Variants in CPT1C observed in about 807,000 individuals in gnomAD.
The protein encoded by CPT1C is carnitine palmitoyltransferase 1C.
A neutral mutation model predicts 97.3 loss-of-function variants in CPT1C; 61 were observed. The observed-to-expected ratio is 0.63, with a 90% CI of 0.51 to 0.78. CPT1C has a LOEUF of 0.78. Among genes scored for constraint, CPT1C ranks in the 30% least tolerant of loss-of-function variants. CPT1C has a pLI of 0.00. For synonymous variants in CPT1C, 469 were observed against 447.2 expected (o/e 1.05, Z -0.61); for missense variants, 975 against 1,065.5 (o/e 0.92, Z 1.18).
chr19:49,699,910 T>C (rs1215204769), intron 4 of CPT1C, among the ~76,000 whole-genome samples: 5 of 145,058 alleles, frequency 3.4e-5, no homozygotes, highest in Middle Eastern at 7.6e-3. Flanking sequence ...GCCGAGATAG[T>C]GCCACTGCAC....
At chr19:49,712,894 TG>T in intron 18 of CPT1C, 45 bp downstream of exon 18, 5 of 1,591,690 alleles carry the variant, frequency 3.1e-6, no homozygotes, top group East Asian at 2.2e-5. Flanking sequence ...AAGAGGGGGC[TG>T]GGGGGCCTGC....
chr19:49,713,332 A>G lies in CPT1C; in HGVS notation c.2227-88A>G, dbSNP rs1038538002. On this transcript the variant is annotated intron_variant, in intron 19 of 19. Transcript: ENST00000598293. Reference sequence around the variant, plus strand: ...CCCCAGCTCCTCCTCCCTCAGACTCAGGAATCCAGGCCCTTAGCCCTCTTG... The same window carrying G: ...CCCCAGCTCCTCCTCCCTCAGACTCGGGAATCCAGGCCCTTAGCCCTCTTG... 6.8e-5 allele frequency: 85 copies of G among 1,257,578 alleles called. No homozygotes were observed. In the Middle Eastern group the frequency reaches 1.1e-3, roughly 16 times the overall value. The allele number at this position is 1,257,578 out of a possible 1,614,324, so 77.9% of individuals were successfully genotyped here. A position where few individuals can be genotyped will look rare whatever the true frequency, so the allele number is the denominator to read the frequency against.
chr19:49,701,692 C>T, intron 7 of CPT1C, 58 bp downstream of exon 7: 1 of 1,511,386 alleles, frequency 6.6e-7, no homozygotes, highest in South Asian at 1.2e-5. Flanking sequence ...GTGAGCTCGC[C>T]TGCTAAACTT....
rs1555779119 is a variant in CPT1C, at chr19:49,702,032, T to TAA, written c.693+399_693+400insAA. Among the ~76,000 whole-genome samples, 16 of 91,700 alleles carry TAA rather than the reference T, an allele frequency of 1.7e-4. 4 individuals carry two copies. The highest frequency in any genetic ancestry group is 8.0e-4 in the African/African-American group (16 of 19,952). 60.2% of individuals were successfully genotyped at this position (91,700 alleles called of 152,430 possible). ...AATATATTTATTTATAAATTATAAA[T>TAA]ATATATTTATTTATAAATTATAAAT... is the stretch of plus-strand genomic sequence containing the variant. On this transcript the variant is annotated intron_variant, in intron 7 of 19. Transcript: ENST00000598293.
In CPT1C at chr19:49,705,226, G is replaced by T. The variant is rs577593259; in HGVS notation, c.892G>T (p.Gly298Ter). ...CGGTTTCCTGCAGACTTTGCTGATG[G>T]GAATGCGCCCCTTATGCTCTGCCCA... is the stretch of plus-strand genomic sequence containing the variant. The part of the protein sequence containing the change: ...RQEIPPTLLM[G>*]MRPLCSAQYE... Residue 298 changes from glycine to a stop codon, truncating the protein, a stop_gained, in exon 10 of 20, where the codon GGA becomes TGA. Transcript: ENST00000598293. LOFTEE classifies it high-confidence loss of function. 51 of 1,614,090 alleles carry T rather than the reference G, an allele frequency of 3.2e-5. No individual in the cohort carries two copies. Among genetic ancestry groups the T allele is most frequent in the Non-Finnish European group, 4.1e-5 (48 of 1,179,998 alleles).
chr19:49,697,088 G>A (rs907928346), intron 3 of CPT1C, among the ~76,000 whole-genome samples: 12 of 152,084 alleles, frequency 7.9e-5, no homozygotes, highest in African/African-American at 4.8e-5. Context: ...TGATGCCCTC[G>A]AACTGTAACT....
intron 4 of CPT1C, among the ~76,000 whole-genome samples, chr19:49,699,826 C>T (rs1419226461): frequency 4.6e-5 from 7 of 152,048 alleles, no homozygotes; most frequent in South Asian, 2.1e-4. Flanking sequence ...TGGTGGCGGG[C>T]GCCTGCAGTC....
chr19:49,705,371 G>C, intron 10 of CPT1C, 73 bp downstream of exon 10: 1 of 1,251,664 alleles, frequency 8.0e-7, no homozygotes, highest in Non-Finnish European at 1.1e-6. Context: ...TCTGGAGTCC[G>C]CCTGACTGAG....
chr19:49,699,612 C>A (rs1012441956), intron 4 of CPT1C, among the ~76,000 whole-genome samples: 4 of 151,996 alleles, frequency 2.6e-5, no homozygotes, highest in African/African-American at 9.7e-5. Context: ...TTTAGACCAG[C>A]TTTTCCTAAA....
In CPT1C at chr19:49,713,505, G is replaced by A. The variant is rs1414859947; in HGVS notation, c.2312G>A (p.Arg771Gln). 13 of 1,614,196 alleles carry A rather than the reference G, an allele frequency of 8.1e-6. No individual in the cohort carries two copies. Among genetic ancestry groups the A allele is most frequent in the Non-Finnish European group, 9.3e-6 (11 of 1,180,034 alleles). Residue 771 changes from arginine to glutamine, a missense_variant, in exon 20 of 20, where the codon CGG (arginine) becomes CAG (glutamine). Arg to Gln is a conservative substitution (Grantham distance 43). This residue lies in a region of CPT1C where 344 missense variants were observed against 395.7 expected (regional missense o/e 0.87). Coordinates refer to ENST00000598293, the MANE Select transcript of CPT1C (RefSeq NM_001199753.2). ...CAGGCGGGACAGCATTTTAAGCGCCGGTTCAGAGGGTCAGGGAAGGAGAAC... is the reference window on the plus strand; with the variant it reads ...CAGGCGGGACAGCATTTTAAGCGCCAGTTCAGAGGGTCAGGGAAGGAGAAC... ...LFQAGQHFKR[R>Q]FRGSGKENSR...
intron 3 of CPT1C, 39 bp downstream of exon 3, chr19:49,692,432 A>G: frequency 6.2e-7 from 1 of 1,608,246 alleles, no homozygotes. Flanking sequence ...CCGGGGATCC[A>G]GGTTTCTGCT....
At chr19:49,710,967 C>T in intron 16 of CPT1C, 110 bp downstream of exon 16, 1 of 1,202,296 alleles carries the variant, frequency 8.3e-7, no homozygotes, top group Non-Finnish European at 1.2e-6. Flanking sequence ...GCACAAGGGA[C>T]AAGGGATGAA....
At chr19:49,710,655 GAT>G (rs1199228955) in intron 15 of CPT1C, 66 bp from the exon 16 acceptor site, 3 of 1,587,654 alleles carry the variant, frequency 1.9e-6, no homozygotes, top group African/African-American at 1.3e-5. Context: ...TCTGGACAGA[GAT>G]AGGTCAAGTC....
chr19:49,702,108 A>T, intron 7 of CPT1C, among the ~76,000 whole-genome samples: 1 of 106,972 alleles, frequency 9.3e-6, no homozygotes, highest in East Asian at 2.2e-4. Flanking sequence ...AATTATAAAT[A>T]TATATTTATT....
chr19:49,694,699 A>G (rs1874062393), intron 3 of CPT1C, among the ~76,000 whole-genome samples: 2 of 151,288 alleles, frequency 1.3e-5, no homozygotes, highest in South Asian at 2.1e-4. Context: ...ATGCTTCAGC[A>G]GGCTAAACTG....
rs1568545135 is a variant in CPT1C, at chr19:49,711,864, T to C, written c.1922T>C (p.Leu641Pro). 6.2e-7 allele frequency: 1 copy of C among 1,614,084 alleles called. No individual in the cohort carries two copies. The highest frequency in any genetic ancestry group is 8.5e-7 in the Non-Finnish European group (1 of 1,180,034). ...GCAGTGGACAAGCACCAGGCTCTGCTGAAGGCAGCCATGAGCGGGCAGGGA... is the reference window on the plus strand; with the variant it reads ...GCAGTGGACAAGCACCAGGCTCTGCCGAAGGCAGCCATGAGCGGGCAGGGA... ...RVAVDKHQAL[L>P]KAAMSGQGVD... The change falls in exon 17 of 20, where the codon CTG (leucine) becomes CCG (proline). Residue 641 changes from leucine (L) to proline (P), a missense_variant. Leu to Pro is a moderately conservative substitution (Grantham distance 98, BLOSUM62 -3). Coordinates refer to ENST00000598293, the MANE Select transcript of CPT1C (RefSeq NM_001199753.2).
chr19:49,703,392 G>A (rs141832376), intron 7 of CPT1C, among the ~76,000 whole-genome samples: 3,802 of 149,714 alleles, frequency 0.025, 128 homozygotes, highest in East Asian at 0.14. Flanking sequence ...AGTAGAGATG[G>A]GGTTTCACCG....
chr19:49,696,456 C>CT (rs66983115), intron 3 of CPT1C: 1,846 of 111,614 alleles, frequency 0.017, 47 homozygotes, highest in African/African-American at 0.051. Flanking sequence ...CTTTTCTTTT[C>CT]TTTTTTTTTT....
rs200392206 is a variant in CPT1C at position 49,700,677 on chromosome 19, C to T, written c.282-7C>T. Reference sequence around the variant, plus strand: ...CCCAGGCCCAGCCTCTGTTTCTCTCCCCGCAGGGGTGGACAACACCACGGG... The same window carrying T: ...CCCAGGCCCAGCCTCTGTTTCTCTCTCCGCAGGGGTGGACAACACCACGGG... On this transcript the variant is annotated splice_polypyrimidine_tract_variant and splice_region_variant and intron_variant, in intron 4 of 19. Transcript: ENST00000598293. 3 of 1,606,244 alleles carry T rather than the reference C, an allele frequency of 1.9e-6. No individual in the cohort carries two copies. The Admixed American group carries it at 5.0e-5, about 27-fold the overall frequency.
Sources: allele counts gnomAD v4.1 joint callset (sites outside exome capture counted in the v4.1 genomes callset), GRCh38; gene constraint gnomAD v4.1.1; regional missense constraint gnomAD v4.1.1; transcripts MANE v1.5; gene names NCBI Gene and HGNC (gene_info 2026-07-23, HGNC 2026-07-21).